RAB2A: variants seen among roughly 807,000 people sequenced by gnomAD.
RAB2A encodes RAB2A, member RAS oncogene family, also known as ras-related protein Rab-2A.
Under a neutral mutation model 32.5 loss-of-function variants are expected in RAB2A, and 7 were observed. The ratio of observed to expected loss-of-function variants is 0.22; its 90% CI spans 0.12 to 0.40. The LOEUF (loss-of-function observed/expected upper bound fraction) is 0.40. Among genes scored for constraint, RAB2A ranks in the 10% least tolerant of loss-of-function variants. The probability of loss-of-function intolerance (pLI) is 1.00; values close to 1 mark genes in which losing one functional copy is unlikely to be tolerated. For missense variants in RAB2A, 108 were observed against 260.7 expected, an observed-to-expected ratio of 0.41 and a Z score of 4.03; for synonymous variants, 79 against 85.2, an observed-to-expected ratio of 0.93 and a Z score of 0.40.
At chr8:60,539,817 A>G (rs894882743) in intron 1 of RAB2A, among the ~76,000 whole-genome samples, 8 of 152,136 alleles carry the variant, frequency 5.3e-5, no homozygotes, top group Non-Finnish European at 1.0e-4. Context: ...AATGGTAAAA[A>G]ATCAAAATAT....
intron 6 of RAB2A, among the ~76,000 whole-genome samples, chr8:60,616,750 C>T (rs1804455369): frequency 6.6e-6 from 1 of 152,188 alleles, no homozygotes; most frequent in South Asian, 2.1e-4. Context: ...AGAGTTTATG[C>T]ATATTCATAT....
chr8:60,526,432 T>A (rs535764121), intron 1 of RAB2A, among the ~76,000 whole-genome samples: 3 of 152,130 alleles, frequency 2.0e-5, no homozygotes, highest in Admixed American at 2.0e-4. Flanking sequence ...CCATCCCAAG[T>A]CTCTCTGTTT....
chr8:60,579,803 A>C (rs2130845906), intron 3 of RAB2A, among the ~76,000 whole-genome samples: 1 of 149,688 alleles, frequency 6.7e-6, no homozygotes, highest in African/African-American at 2.5e-5. Flanking sequence ...AATTTTTTGC[A>C]TTTTTAGTAG....
At chr8:60,618,148 G>T (rs901019594) in intron 6 of RAB2A, among the ~76,000 whole-genome samples, 10 of 152,172 alleles carry the variant, frequency 6.6e-5, no homozygotes, top group Admixed American at 5.9e-4. Flanking sequence ...GCACTTGTTG[G>T]CTGTTGTGAA....
rs1187674657 is a variant in RAB2A at position 60,517,271 on chromosome 8, G to A, written c.46+18G>A. ...CGACACAGGTGAGGGCCCCGGGCGC[G>A]GCCGGGCGGGTGTCGGCGGCCTCCG... is the stretch of plus-strand genomic sequence containing the variant. On this transcript the variant is annotated intron_variant, in intron 1 of 7. Coordinates refer to ENST00000262646, the MANE Select transcript of RAB2A (RefSeq NM_002865.3). The A allele has an allele frequency of 1.4e-6, 2 of 1,480,272 alleles. No individual in the cohort carries two copies. Among genetic ancestry groups the A allele is most frequent in the Non-Finnish European group, 1.8e-6 (2 of 1,114,054 alleles). The allele number at this position is 1,480,272 out of a possible 1,614,324, so 91.7% of individuals were successfully genotyped here.
chr8:60,579,414 A>C (rs1803698230), intron 3 of RAB2A, among the ~76,000 whole-genome samples: 1 of 151,872 alleles, frequency 6.6e-6, no homozygotes. Context: ...CACTCTGGCC[A>C]CTCCACCCCA....
At chr8:60,521,984 A>G (rs1463285954) in intron 1 of RAB2A, among the ~76,000 whole-genome samples, 1 of 152,208 alleles carries the variant, frequency 6.6e-6, no homozygotes, top group African/African-American at 2.4e-5. Flanking sequence ...CCATTGACAA[A>G]TGGGGATCTG....
At chr8:60,591,601 C>T in intron 5 of RAB2A, 1 of 286,060 alleles carries the variant, frequency 3.5e-6, no homozygotes, top group Non-Finnish European at 6.7e-6. Context: ...ACTAGAGGCT[C>T]CCTTAAGTTA....
At chr8:60,559,583 G>A (rs921302559) in intron 2 of RAB2A, among the ~76,000 whole-genome samples, 2 of 152,160 alleles carry the variant, frequency 1.3e-5, no homozygotes, top group African/African-American at 4.8e-5. Context: ...AAAAAATTAA[G>A]ATGAGTGAAA....
chr8:60,602,897 A>G (rs1804158869), intron 6 of RAB2A, among the ~76,000 whole-genome samples: 1 of 152,200 alleles, frequency 6.6e-6, no homozygotes. Context: ...GCTCTATGGG[A>G]GAGGCGGTTT....
intron 6 of RAB2A, among the ~76,000 whole-genome samples, chr8:60,606,360 C>T (rs903852745): frequency 6.6e-6 from 1 of 152,210 alleles, no homozygotes; most frequent in African/African-American, 2.4e-5. Flanking sequence ...GTGAATCCTA[C>T]AGTGAATACT....
chr8:60,547,640 G>A (rs1654703162), intron 1 of RAB2A, among the ~76,000 whole-genome samples: 1 of 123,564 alleles, frequency 8.1e-6, no homozygotes, highest in Non-Finnish European at 1.8e-5. Flanking sequence ...CGGGGCGGCT[G>A]GCCAGGCGGG....
At chr8:60,554,852 C>CAA (rs577274037) in intron 1 of RAB2A, among the ~76,000 whole-genome samples, 12 of 136,636 alleles carry the variant, frequency 8.8e-5, no homozygotes, top group African/African-American at 3.2e-4. Context: ...GACTCCGTCT[C>CAA]AAAAAAAAAA....
chr8:60,604,550 C>T (rs769687082), intron 6 of RAB2A, among the ~76,000 whole-genome samples: 1 of 152,076 alleles, frequency 6.6e-6, no homozygotes, highest in Non-Finnish European at 1.5e-5. Flanking sequence ...ACAATGAAAC[C>T]CAGGCTGAGG....
intron 1 of RAB2A, among the ~76,000 whole-genome samples, chr8:60,530,102 A>G (rs1047064615): frequency 9.0e-5 from 13 of 144,182 alleles, no homozygotes; most frequent in Admixed American, 1.4e-4. Flanking sequence ...CAAGTAGCTG[A>G]GGTCACAGGC....
chr8:60,540,712 C>T (rs1179543656), intron 1 of RAB2A, among the ~76,000 whole-genome samples: 1 of 152,196 alleles, frequency 6.6e-6, no homozygotes, highest in African/African-American at 2.4e-5. Flanking sequence ...GAACTTCTGA[C>T]CTCAAGTGAT....
chr8:60,597,955 CA>C (rs1393781382), intron 6 of RAB2A, among the ~76,000 whole-genome samples: 1 of 152,120 alleles, frequency 6.6e-6, no homozygotes, highest in Admixed American at 6.5e-5. Context: ...CCAGTTTATC[CA>C]AAAACACAAA....
chr8:60,597,247 G>A (rs1804044265), intron 6 of RAB2A, among the ~76,000 whole-genome samples: 1 of 152,150 alleles, frequency 6.6e-6, no homozygotes, highest in East Asian at 1.9e-4. Flanking sequence ...ATACACCATG[G>A]AATACTATGC....
At chr8:60,619,996 A>G (rs142576931) in intron 7 of RAB2A, among the ~76,000 whole-genome samples, 1 of 152,384 alleles carries the variant, frequency 6.6e-6, no homozygotes, top group Non-Finnish European at 1.5e-5. Context: ...CAAGGCTACT[A>G]CTGTTGCAGA....
Sources: allele counts gnomAD v4.1 joint callset (sites outside exome capture counted in the v4.1 genomes callset), GRCh38; gene constraint gnomAD v4.1.1; transcripts MANE v1.5; gene names NCBI Gene and HGNC (gene_info 2026-07-23, HGNC 2026-07-21).